The following ZNF875 variants were observed in gnomAD, a reference collection of about 807,000 sequenced individuals.
ZNF875 encodes HKR1, GLI-Kruppel zinc finger family member.
A neutral mutation model predicts 11.2 loss-of-function variants in ZNF875; 14 were observed. The ratio of observed to expected loss-of-function variants is 1.26; its 90% CI spans 0.83 to 1.96. The LOEUF is 1.96. Ranked by LOEUF, ZNF875 falls within the 30% of genes most tolerant of loss-of-function variation. The pLI, the probability that ZNF875 is intolerant of heterozygous loss-of-function variation, is 0.00. For synonymous variants in ZNF875, 301 were observed against 281.1 expected (o/e 1.07, Z -0.71); for missense variants, 752 against 760.4 (o/e 0.99, Z 0.13).
chr19:37,329,682 C>T (rs148739260), upstream of ZNF875, among the ~76,000 whole-genome samples: 11 of 152,308 alleles, frequency 7.2e-5, no homozygotes, highest in South Asian at 2.1e-4. Context: ...TACCTGAACA[C>T]GTATTAAATA....
At chr19:37,361,649 C>G (rs1254008687) in intron 4 of ZNF875, among the ~76,000 whole-genome samples, 1 of 152,102 alleles carries the variant, frequency 6.6e-6, no homozygotes, top group Non-Finnish European at 1.5e-5. Flanking sequence ...TAGGGCTAGA[C>G]ACAGTGGCTT....
intron 3 of ZNF875, among the ~76,000 whole-genome samples, chr19:37,323,722 G>C (rs904281226): frequency 6.6e-6 from 1 of 152,190 alleles, no homozygotes; most frequent in African/African-American, 2.4e-5. Flanking sequence ...GAAATCAGGG[G>C]AAAGTGCCAC....
rs1333007815 is a variant in ZNF875 at position 37,347,840 on chromosome 19, A to G, written c.224A>G (p.Glu75Gly). 1.2e-6 allele frequency: 2 copies of G among 1,612,580 alleles called. No individual in the cohort carries two copies. The highest frequency in any genetic ancestry group is 1.3e-5 in the African/African-American group (1 of 74,868). Residue 75 changes from glutamate to glycine, a missense_variant, in exon 4 of 5, where the codon GAG (glutamate) becomes GGG (glycine). Physicochemically the swap from Glu to Gly is moderately conservative, Grantham distance 98. Transcript: ENST00000392153. ...GAGCGAGGGGAAGCGCCCTGGAGAGAGGAGAGAAAATGTCCACTGGACCTC... is the reference window on the plus strand; with the variant it reads ...GAGCGAGGGGAAGCGCCCTGGAGAGGGGAGAGAAAATGTCCACTGGACCTC... Reference protein sequence around the residue: ...QLERGEAPWREERKCPLDLCP... With the variant: ...QLERGEAPWRGERKCPLDLCP...
intron 4 of ZNF875, among the ~76,000 whole-genome samples, chr19:37,352,470 C>T (rs10422423): frequency 0.21 from 31,742 of 151,980 alleles, 3,535 homozygotes; most frequent in South Asian, 0.31. Flanking sequence ...TCTCGAACTC[C>T]TGGCCTCAGG....
intron 4 of ZNF875, among the ~76,000 whole-genome samples, chr19:37,324,597 G>A (rs908192164): frequency 7.2e-5 from 11 of 152,074 alleles, no homozygotes; most frequent in African/African-American, 2.4e-4. Flanking sequence ...CTTGTGAAAC[G>A]CTATAAAAAA....
At chr19:37,361,969 T>A in intron 4 of ZNF875, 140 bp from the exon 5 acceptor site, 9 of 611,550 alleles carry the variant, frequency 1.5e-5, no homozygotes, top group Admixed American at 3.0e-5. Flanking sequence ...AAATGAAAAA[T>A]AGATGCTGGG....
chr19:37,362,405 CAGCCAGCA>C lies in ZNF875; in HGVS notation c.554_561del (p.Gln185ProfsTer16), dbSNP rs1251608185. 6.2e-7 allele frequency: 1 copy of C among 1,614,144 alleles called. No homozygotes were observed. Among genetic ancestry groups the C allele is most frequent in the Admixed American group, 1.7e-5 (1 of 60,020 alleles). ...ACTTTCCAGCCCACCTGAAGAACAA[CAGCCAGCA>C]CAGTCCAAGGAAGACAACACAGTGG... is the stretch of plus-strand genomic sequence containing the variant. On this transcript the variant is annotated frameshift_variant, in exon 5 of 5. Transcript: ENST00000392153. LOFTEE classifies it low-confidence loss of function (END_TRUNC).
intron 4 of ZNF875, among the ~76,000 whole-genome samples, chr19:37,360,638 T>A (rs1333283718): frequency 2.6e-5 from 4 of 151,952 alleles, no homozygotes; most frequent in African/African-American, 9.7e-5. Flanking sequence ...TAAAAATCTT[T>A]CTTCTTTTCC....
intron 2 of ZNF875, among the ~76,000 whole-genome samples, chr19:37,339,745 A>C (rs1309242237): frequency 6.6e-6 from 1 of 151,556 alleles, no homozygotes; most frequent in Non-Finnish European, 1.5e-5. Flanking sequence ...TTGTATTTTT[A>C]GTAGAGACAG....
chr19:37,317,667 G>T (rs2030327407), upstream of ZNF875, among the ~76,000 whole-genome samples: 1 of 152,246 alleles, frequency 6.6e-6, no homozygotes, highest in African/African-American at 2.4e-5. Flanking sequence ...GCGCTGAAAT[G>T]CGCAAGAAAG....
chr19:37,361,613 A>G (rs1193349877), intron 4 of ZNF875, among the ~76,000 whole-genome samples: 2 of 151,926 alleles, frequency 1.3e-5, no homozygotes, highest in African/African-American at 4.8e-5. Flanking sequence ...GAGTTTGCCA[A>G]CTCCTGCAAT....
chr19:37,348,626 A>G (rs903666839), intron 4 of ZNF875, among the ~76,000 whole-genome samples: 1 of 152,214 alleles, frequency 6.6e-6, no homozygotes, highest in Admixed American at 6.5e-5. Flanking sequence ...TTGTGGCTAT[A>G]TAATATTGTA....
chr19:37,356,241 C>T (rs947944451), intron 4 of ZNF875, among the ~76,000 whole-genome samples: 4 of 152,128 alleles, frequency 2.6e-5, no homozygotes, highest in Admixed American at 6.6e-5. Flanking sequence ...GATAAGCATA[C>T]GAGTGCAGGT....
intron 2 of ZNF875, chr19:37,337,156 C>G (rs997162209): frequency 5.9e-5 from 8 of 136,104 alleles, no homozygotes; most frequent in Non-Finnish European, 3.0e-5. Context: ...TTGGACGTGA[C>G]CTTCAGAGTA....
intron 4 of ZNF875, among the ~76,000 whole-genome samples, chr19:37,348,533 A>G (rs1466851450): frequency 1.3e-5 from 2 of 152,206 alleles, no homozygotes; most frequent in Non-Finnish European, 2.9e-5. Flanking sequence ...TATCAATGTC[A>G]TCATATTATG....
intron 2 of ZNF875, 108 bp downstream of exon 2, chr19:37,335,365 C>CT (rs1253268793): frequency 3.4e-6 from 2 of 588,766 alleles, no homozygotes; most frequent in African/African-American, 1.9e-5. Context: ...ATTCCTAGCC[C>CT]TAGTCATTCC....
chr19:37,320,011 C>T (rs1013392122), intron 1 of ZNF875, among the ~76,000 whole-genome samples: 2 of 152,140 alleles, frequency 1.3e-5, no homozygotes, highest in Non-Finnish European at 2.9e-5. Context: ...CTCAGCCTCT[C>T]CCAGTAGCTG....
chr19:37,336,393 A>G (rs185294145), intron 2 of ZNF875, among the ~76,000 whole-genome samples: 9 of 145,176 alleles, frequency 6.2e-5, no homozygotes, highest in African/African-American at 2.3e-4. Flanking sequence ...TCTGCCTCCC[A>G]GGTTCACACC....
chr19:37,355,291 G>A (rs564171016), intron 4 of ZNF875, among the ~76,000 whole-genome samples: 1 of 152,280 alleles, frequency 6.6e-6, no homozygotes, highest in South Asian at 2.1e-4. Context: ...CTGGGTTCAA[G>A]CGATTCTCCT....
Sources: gnomAD v4.1 joint callset for allele counts (sites outside exome capture counted in the v4.1 genomes callset) on GRCh38, gnomAD v4.1.1 for gene constraint, MANE v1.5 for transcripts, NCBI Gene and HGNC (gene_info 2026-07-23, HGNC 2026-07-21) for gene names.